The following CRIM1 variants were observed in gnomAD, a reference collection of about 807,000 sequenced individuals.
CRIM1 encodes cysteine-rich motor neuron 1 protein.
In CRIM1, 32 loss-of-function variants were observed where a neutral mutation model predicts 116.4. The ratio of observed to expected loss-of-function variants is 0.27; its 90% confidence interval spans 0.21 to 0.37. CRIM1 has a LOEUF of 0.37. Among genes scored for constraint, CRIM1 ranks in the 10% least tolerant of loss-of-function variants. The pLI, the probability that CRIM1 is intolerant of heterozygous loss-of-function variation, is 1.00. For synonymous variants in CRIM1, 590 were observed against 509.2 expected (o/e 1.16, Z -2.13); for missense variants, 1,331 against 1,354.8 (o/e 0.98, Z 0.28).
rs772283202 is a variant in CRIM1 at position 36,396,665 on chromosome 2, A to T, written c.383A>T (p.Asn128Ile). 3.7e-5 allele frequency: 60 copies of T among 1,612,700 alleles called. No homozygotes were observed. The highest frequency in any genetic ancestry group is 4.8e-5 in the Non-Finnish European group (57 of 1,178,932). Residue 128 changes from asparagine (N) to isoleucine (I), a missense_variant, in exon 2 of 17, where the codon AAC (asparagine) becomes ATC (isoleucine). Physicochemically the swap from Asn to Ile is moderately radical, Grantham distance 149 (BLOSUM62 -3). Transcript: ENST00000280527. ...QLLGFKPCNE[N>I]LIAGCNIING... ...CTTGGTTTTAAACCATGCAATGAAA[A>T]CCTTATTGCTGGCTGCAATATAATC...
chr2:36,503,675 G>C (rs1681171228), intron 8 of CRIM1, among the ~76,000 whole-genome samples: 1 of 152,070 alleles, frequency 6.6e-6, no homozygotes, highest in East Asian at 1.9e-4. Flanking sequence ...TGGTTTTAGA[G>C]AAGGGAGTTT....
intron 13 of CRIM1, among the ~76,000 whole-genome samples, chr2:36,527,775 T>A (rs1261185865): frequency 6.6e-6 from 1 of 152,218 alleles, no homozygotes. Context: ...ATACAACCCA[T>A]GAAACTTAAT....
At chr2:36,519,068 A>C (rs140028220) in intron 12 of CRIM1, among the ~76,000 whole-genome samples, 2 of 151,896 alleles carry the variant, frequency 1.3e-5, no homozygotes, top group African/African-American at 4.8e-5. Context: ...CCGGGAAACT[A>C]AAGCAGCAAA....
intron 1 of CRIM1, among the ~76,000 whole-genome samples, chr2:36,391,597 C>T (rs1252761105): frequency 6.6e-6 from 1 of 152,070 alleles, no homozygotes; most frequent in Non-Finnish European, 1.5e-5. Flanking sequence ...AGAAGAGGTA[C>T]CCAGCATTCT....
At chr2:36,418,908 A>G (rs572734668) in intron 2 of CRIM1, among the ~76,000 whole-genome samples, 2 of 152,272 alleles carry the variant, frequency 1.3e-5, no homozygotes, top group South Asian at 4.1e-4. Context: ...GCGCTGTCTT[A>G]GGCCTCTGTG....
intron 13 of CRIM1, among the ~76,000 whole-genome samples, chr2:36,527,690 T>A (rs541026230): frequency 1.5e-4 from 23 of 152,370 alleles, no homozygotes; most frequent in African/African-American, 4.6e-4. Flanking sequence ...CTTTGGAACA[T>A]CTGTTGGTCA....
intron 1 of CRIM1, among the ~76,000 whole-genome samples, chr2:36,395,729 C>T (rs76976175): frequency 0.015 from 2,255 of 152,252 alleles, 54 homozygotes; most frequent in African/African-American, 0.049. Context: ...CACTAAGCTG[C>T]ACCACTTTAG....
chr2:36,398,793 A>G (rs3755215), intron 2 of CRIM1, among the ~76,000 whole-genome samples: 23,927 of 152,174 alleles, frequency 0.16, 2,274 homozygotes, highest in African/African-American at 0.27. Flanking sequence ...TTTTCTGAGA[A>G]GGAATTTTGA....
At chr2:36,510,200 A>G (rs1664557466) in intron 9 of CRIM1, 61 bp downstream of exon 9, 2 of 1,512,776 alleles carry the variant, frequency 1.3e-6, no homozygotes, top group African/African-American at 1.4e-5. Flanking sequence ...ATGTTTCTAC[A>G]CATTTTGTTT....
chr2:36,447,520 A>T (rs1341707958), intron 4 of CRIM1, among the ~76,000 whole-genome samples: 1 of 152,160 alleles, frequency 6.6e-6, no homozygotes, highest in Non-Finnish European at 1.5e-5. Flanking sequence ...CTGAGACTGG[A>T]TGTCCCTCCC....
intron 1 of CRIM1, chr2:36,378,806 GT>G (rs35770990): frequency 0.025 from 2,967 of 118,860 alleles, 43 homozygotes; most frequent in African/African-American, 0.082. Context: ...GTTGTTTTCG[GT>G]TTTTTTTTTT....
At chr2:36,442,867 C>T (rs967572172) in intron 4 of CRIM1, 132 bp downstream of exon 4, 8 of 1,062,554 alleles carry the variant, frequency 7.5e-6, no homozygotes, top group Non-Finnish European at 1.1e-5. Flanking sequence ...AATCACTGAA[C>T]TGTTTGCATT....
intron 15 of CRIM1, among the ~76,000 whole-genome samples, chr2:36,545,483 T>C (rs1424208105): frequency 6.6e-6 from 1 of 152,188 alleles, no homozygotes; most frequent in East Asian, 1.9e-4. Context: ...CATTGCATAG[T>C]ATCTATGTTA....
At chr2:36,366,279 C>T (rs867095755) in intron 1 of CRIM1, among the ~76,000 whole-genome samples, 6 of 152,054 alleles carry the variant, frequency 3.9e-5, no homozygotes, top group Non-Finnish European at 7.4e-5. Flanking sequence ...TACTTTAGTA[C>T]CTCTCATTTG....
intron 1 of CRIM1, among the ~76,000 whole-genome samples, chr2:36,371,292 C>T (rs1261174380): frequency 6.6e-6 from 1 of 152,054 alleles, no homozygotes; most frequent in Non-Finnish European, 1.5e-5. Flanking sequence ...ATAGCACTTT[C>T]TCCTTCCCCT....
At chr2:36,463,649 C>T (rs1026774247) in intron 4 of CRIM1, among the ~76,000 whole-genome samples, 2 of 152,170 alleles carry the variant, frequency 1.3e-5, no homozygotes, top group Non-Finnish European at 2.9e-5. Context: ...TTTCCTGTGT[C>T]CTGCCTCTCT....
intron 10 of CRIM1, chr2:36,513,317 A>G: frequency 2.0e-6 from 1 of 508,844 alleles, no homozygotes; most frequent in Non-Finnish European, 3.5e-6. Context: ...GGAATAAAAA[A>G]TCAGCGATCA....
At chr2:36,490,585 T>C (rs1276176892) in intron 7 of CRIM1, among the ~76,000 whole-genome samples, 4 of 152,186 alleles carry the variant, frequency 2.6e-5, no homozygotes, top group African/African-American at 9.7e-5. Flanking sequence ...CCGGTTACTG[T>C]TATTCTGAAC....
intron 14 of CRIM1, among the ~76,000 whole-genome samples, chr2:36,542,934 A>T (rs1268461421): frequency 6.6e-6 from 1 of 152,122 alleles, no homozygotes; most frequent in African/African-American, 2.4e-5. Context: ...TTCTGATATG[A>T]TTTTTAAAAA....
Sources: allele counts gnomAD v4.1 joint callset (sites outside exome capture counted in the v4.1 genomes callset), GRCh38; gene constraint gnomAD v4.1.1; transcripts MANE v1.5; gene names NCBI Gene and HGNC (gene_info 2026-07-23, HGNC 2026-07-21).